Variants in AFMID observed in about 807,000 individuals in gnomAD.
The protein encoded by AFMID is kynurenine formamidase.
A neutral mutation model predicts 47.5 loss-of-function variants in AFMID; 39 were observed. The ratio of observed to expected loss-of-function variants is 0.82; its 90% CI spans 0.64 to 1.07. The LOEUF (loss-of-function observed/expected upper bound fraction) is 1.07, where lower values mean the gene tolerates loss of function less well. AFMID is among the 50% of genes least tolerant of loss of function. The pLI is 0.00. For missense variants in AFMID, 375 were observed against 387.5 expected, an observed-to-expected ratio of 0.97 and a Z score of 0.27; for synonymous variants, 130 against 153.2, an observed-to-expected ratio of 0.85 and a Z score of 1.12.
intron 4 of AFMID, 126 bp from the exon 5 acceptor site, chr17:78,204,530 C>T (rs1200943823): frequency 3.4e-6 from 3 of 879,536 alleles, no homozygotes; most frequent in Non-Finnish European, 5.5e-6. Context: ...TTCACTCTCT[C>T]ACATGGGACC....
intron 7 of AFMID, 119 bp from the exon 8 acceptor site, chr17:78,205,321 G>A: frequency 1.4e-6 from 2 of 1,423,296 alleles, no homozygotes; most frequent in Non-Finnish European, 2.0e-6. Flanking sequence ...TCTGAGCAAG[G>A]CCTTCTCTGC....
chr17:78,188,677 A>C (rs9797122), intron 1 of AFMID, among the ~76,000 whole-genome samples: 21,482 of 151,758 alleles, frequency 0.14, 2,617 homozygotes, highest in African/African-American at 0.31. Context: ...GCTCACTGCA[A>C]CCTCTTCTTC....
intron 2 of AFMID, among the ~76,000 whole-genome samples, chr17:78,191,680 A>G (rs1400982901): frequency 6.6e-6 from 1 of 151,944 alleles, no homozygotes; most frequent in Non-Finnish European, 1.5e-5. Flanking sequence ...CAAAAAAAAA[A>G]AAAAGCAATG....
intron 2 of AFMID, among the ~76,000 whole-genome samples, chr17:78,202,021 C>A (rs1172660682): frequency 6.6e-6 from 1 of 151,930 alleles, no homozygotes; most frequent in East Asian, 2.0e-4. Context: ...TGAGCCACTG[C>A]ACCCAGCCTG....
At position 78,207,269 on chromosome 17, in the gene AFMID, ACTT is replaced by A; in HGVS notation, c.*336_*338del. 7 of 175,052 alleles carry A rather than the reference ACTT, an allele frequency of 4.0e-5. No individual in the cohort carries two copies. The highest frequency in any genetic ancestry group is 6.1e-5 in the Non-Finnish European group (6 of 98,342). 10.8% of individuals were successfully genotyped at this position (175,052 alleles called of 1,614,324 possible). A position where few individuals can be genotyped will look rare whatever the true frequency, so the allele number is the denominator to read the frequency against. ...GATGACGCTCAAAAGTAATGCCATT[ACTT>A]CTTTTTTTTTTTTTTTTTTTTTTTT... On this transcript the variant is annotated 3_prime_UTR_variant, in exon 11 of 11. Transcript: ENST00000409257.
chr17:78,198,378 C>T (rs894319153), intron 2 of AFMID, among the ~76,000 whole-genome samples: 2 of 151,624 alleles, frequency 1.3e-5, no homozygotes, highest in Non-Finnish European at 2.9e-5. Context: ...GCGGGGATAT[C>T]ACTCAAGGTC....
At chr17:78,202,120 T>C (rs1006740939) in intron 2 of AFMID, among the ~76,000 whole-genome samples, 3 of 151,780 alleles carry the variant, frequency 2.0e-5, no homozygotes, top group African/African-American at 4.8e-5. Flanking sequence ...CTACCTGAGC[T>C]GAAATAGAAA....
At chr17:78,197,273 G>A (rs74609786) in intron 2 of AFMID, 38,778 of 1,456,078 alleles carry the variant, frequency 0.027, 612 homozygotes, top group Non-Finnish European at 0.031. Flanking sequence ...GATGGCAGCC[G>A]GCAATGGCCT....
intron 1 of AFMID, among the ~76,000 whole-genome samples, chr17:78,188,433 T>G (rs1339679630): frequency 1.3e-5 from 2 of 152,150 alleles, no homozygotes; most frequent in Non-Finnish European, 2.9e-5. Flanking sequence ...ATGCCTTCTT[T>G]TTTTGAGACA....
At position 78,191,181 on chromosome 17, in the gene AFMID, A is replaced by G; in HGVS notation, c.154+121A>G. 7.4e-6 allele frequency: 6 copies of G among 809,754 alleles called. No homozygotes were observed. In the Admixed American group the frequency reaches 1.1e-4, roughly 15 times the overall value. 50.2% of individuals were successfully genotyped at this position (809,754 alleles called of 1,614,324 possible). On this transcript the variant is annotated intron_variant, in intron 2 of 10. Coordinates refer to ENST00000409257, the MANE Select transcript of AFMID (RefSeq NM_001010982.5). ...CTGGGCCTCGAGGGGCATTTCCCAA[A>G]CACCAGGCACTTTATAAACCTCCCT...
chr17:78,206,375 G>C (rs887773974), intron 10 of AFMID, among the ~76,000 whole-genome samples: 10 of 147,938 alleles, frequency 6.8e-5, no homozygotes, highest in African/African-American at 1.7e-4. Flanking sequence ...TGAGAACCTA[G>C]GAAAGAAAGA....
At chr17:78,198,230 A>G (rs758709161) in intron 2 of AFMID, among the ~76,000 whole-genome samples, 5 of 152,078 alleles carry the variant, frequency 3.3e-5, no homozygotes, top group Admixed American at 6.6e-5. Flanking sequence ...CCGTGTCTCA[A>G]AAATAAAAAG....
rs145349077 is a variant in AFMID, at chr17:78,195,869, G to A, written c.154+4809G>A. Among the ~76,000 whole-genome samples the A allele has an allele frequency of 5.6e-3, 855 of 151,562 alleles. 37 individuals carry two copies. In the East Asian group the frequency reaches 0.11, roughly 20 times the overall value. ...TTATTATTATTTTTGTTTTTGAGAC[G>A]GAGTCTTGCTCTGTCACCCAGGCTG... On this transcript the variant is annotated intron_variant, in intron 2 of 10. Coordinates refer to ENST00000409257, the MANE Select transcript of AFMID (RefSeq NM_001010982.5).
At chr17:78,200,804 T>TA (rs2076225868) in intron 2 of AFMID, among the ~76,000 whole-genome samples, 1 of 152,176 alleles carries the variant, frequency 6.6e-6, no homozygotes, top group African/African-American at 2.4e-5. Context: ...AGTACTTTGT[T>TA]ACAGCTGCCC....
chr17:78,199,090 C>A (rs1371897755), intron 2 of AFMID, among the ~76,000 whole-genome samples: 1 of 152,246 alleles, frequency 6.6e-6, no homozygotes, highest in African/African-American at 2.4e-5. Flanking sequence ...CCTGCAGGGG[C>A]AAGTGGTTGG....
At chr17:78,190,398 T>C (rs1454539720) in intron 1 of AFMID, among the ~76,000 whole-genome samples, 1 of 152,084 alleles carries the variant, frequency 6.6e-6, no homozygotes, top group East Asian at 1.9e-4. Context: ...CAGCTCCTCC[T>C]TTTTTAATTT....
chr17:78,205,345 C>A, intron 7 of AFMID, 95 bp from the exon 8 acceptor site: 1 of 1,489,962 alleles, frequency 6.7e-7, no homozygotes, highest in South Asian at 1.1e-5. Context: ...CTCTGTGCCC[C>A]TTCCCCTGGT....
In AFMID at chr17:78,191,111, C is replaced by T. The variant is rs758832730; in HGVS notation, c.154+51C>T. Reference sequence around the variant, plus strand: ...GCATTGGGTGTCCTTAAGCATGTGGCAGTGATTCAGAATGCTGGGGGTTGG... The same window carrying T: ...GCATTGGGTGTCCTTAAGCATGTGGTAGTGATTCAGAATGCTGGGGGTTGG... On this transcript the variant is annotated intron_variant, in intron 2 of 10. Transcript: ENST00000409257. 5 of 1,510,864 alleles carry T rather than the reference C, an allele frequency of 3.3e-6. No homozygotes were observed. The South Asian group carries it at 4.6e-5, about 14-fold the overall frequency. 93.6% of individuals were successfully genotyped at this position (1,510,864 alleles called of 1,614,324 possible). A position where few individuals can be genotyped will look rare whatever the true frequency, so the allele number is the denominator to read the frequency against.
At chr17:78,203,822 G>C (rs1040373282) in intron 4 of AFMID, 1 of 151,936 alleles carries the variant, frequency 6.6e-6, no homozygotes, top group East Asian at 1.9e-4. Flanking sequence ...TCAGGAGTTC[G>C]AGACCAGCCT....
Sources: gnomAD v4.1 joint callset for allele counts (sites outside exome capture counted in the v4.1 genomes callset) on GRCh38, gnomAD v4.1.1 for gene constraint, MANE v1.5 for transcripts, NCBI Gene and HGNC (gene_info 2026-07-23, HGNC 2026-07-21) for gene names.